Variants in CDKAL1 observed in about 807,000 individuals in gnomAD.
The protein encoded by CDKAL1 is threonylcarbamoyladenosine tRNA methylthiotransferase.
In CDKAL1, 32 loss-of-function variants were observed where a neutral mutation model predicts 68.2. The ratio of observed to expected loss-of-function variants is 0.47; its 90% CI spans 0.35 to 0.63. The LOEUF is 0.63. Ranked by LOEUF, CDKAL1 falls within the 30% of genes least tolerant of loss-of-function variation. CDKAL1 has a pLI of 0.00. For synonymous variants in CDKAL1, 234 were observed against 244.3 expected (o/e 0.96, Z 0.39); for missense variants, 606 against 696.7 (o/e 0.87, Z 1.47).
At chr6:21,162,820 CAGG>C (rs1193030604) in intron 13 of CDKAL1, among the ~76,000 whole-genome samples, 3 of 152,136 alleles carry the variant, frequency 2.0e-5, no homozygotes, top group African/African-American at 4.8e-5. Flanking sequence ...CCCAGCTGCT[CAGG>C]AGGCTGAGGT....
chr6:20,635,112 A>G (rs1767846203), intron 4 of CDKAL1, among the ~76,000 whole-genome samples: 1 of 152,088 alleles, frequency 6.6e-6, no homozygotes, highest in Non-Finnish European at 1.5e-5. Context: ...TTTGCTTATT[A>G]GGTCTCAAAT....
chr6:20,640,747 C>G (rs952033987), intron 4 of CDKAL1, among the ~76,000 whole-genome samples: 2 of 152,302 alleles, frequency 1.3e-5, no homozygotes, highest in African/African-American at 4.8e-5. Flanking sequence ...CTTAAATTCA[C>G]AGTCTCTGGA....
intron 5 of CDKAL1, among the ~76,000 whole-genome samples, chr6:20,663,096 G>T (rs1368983089): frequency 6.6e-6 from 1 of 152,078 alleles, no homozygotes; most frequent in Non-Finnish European, 1.5e-5. Flanking sequence ...TACCAAACTG[G>T]ATGTGCCGGC....
chr6:20,701,666 C>T (rs1442053325), intron 5 of CDKAL1, among the ~76,000 whole-genome samples: 2 of 152,048 alleles, frequency 1.3e-5, no homozygotes, highest in African/African-American at 4.8e-5. Context: ...TACGTAATAC[C>T]TCAATTTTCC....
chr6:21,145,550 C>A (rs908966638), intron 13 of CDKAL1, among the ~76,000 whole-genome samples: 1 of 152,044 alleles, frequency 6.6e-6, no homozygotes, highest in Non-Finnish European at 1.5e-5. Context: ...TTTAGGGGAC[C>A]AAGTTAATGT....
chr6:21,029,510 A>G (rs184045002), intron 11 of CDKAL1, among the ~76,000 whole-genome samples: 6 of 152,346 alleles, frequency 3.9e-5, no homozygotes, highest in African/African-American at 1.4e-4. Context: ...GAACTTCTGC[A>G]CAGCAAAAGA....
At chr6:20,783,468 T>C (rs1165215222) in intron 8 of CDKAL1, among the ~76,000 whole-genome samples, 1 of 152,202 alleles carries the variant, frequency 6.6e-6, no homozygotes, top group East Asian at 1.9e-4. Context: ...CAGTATTCAG[T>C]CTTCCTGAAC....
At chr6:21,169,036 G>A (rs1257480423) in intron 13 of CDKAL1, among the ~76,000 whole-genome samples, 3 of 152,118 alleles carry the variant, frequency 2.0e-5, no homozygotes, top group Admixed American at 6.6e-5. Flanking sequence ...CATGTGAGGG[G>A]CAAAGAAGAG....
chr6:20,716,943 TGGAGGAAGTC>T (rs1336624173), intron 5 of CDKAL1, among the ~76,000 whole-genome samples: 1 of 151,784 alleles, frequency 6.6e-6, no homozygotes, highest in Non-Finnish European at 1.5e-5. Context: ...TCAGTAGAGG[TGGAGGAAGTC>T]GGGGGAAGTG....
At chr6:20,767,173 T>G (rs1774739001) in intron 7 of CDKAL1, among the ~76,000 whole-genome samples, 1 of 152,140 alleles carries the variant, frequency 6.6e-6, no homozygotes, top group South Asian at 2.1e-4. Context: ...TATTTTTGGT[T>G]AGTAAAATAT....
chr6:20,920,980 A>G (rs1762928562), intron 9 of CDKAL1, among the ~76,000 whole-genome samples: 1 of 12,346 alleles, frequency 8.1e-5, no homozygotes, highest in Admixed American at 7.9e-4. Context: ...CTAGATATGT[A>G]ACTGAAAGTT....
At chr6:20,828,428 C>T (rs899790446) in intron 8 of CDKAL1, among the ~76,000 whole-genome samples, 2 of 151,928 alleles carry the variant, frequency 1.3e-5, no homozygotes, top group Non-Finnish European at 2.9e-5. Context: ...AGGGTTTTGC[C>T]ATGTTGGCCA....
At chr6:20,908,940 G>A (rs2150617629) in intron 9 of CDKAL1, among the ~76,000 whole-genome samples, 1 of 152,218 alleles carries the variant, frequency 6.6e-6, no homozygotes, top group African/African-American at 2.4e-5. Context: ...GCATCCTTGG[G>A]TGTCATGCTA....
chr6:21,117,492 A>T (rs1774476907), intron 13 of CDKAL1, among the ~76,000 whole-genome samples: 1 of 151,784 alleles, frequency 6.6e-6, no homozygotes. Flanking sequence ...AAACTACAAA[A>T]ATCAGCTGGG....
intron 10 of CDKAL1, among the ~76,000 whole-genome samples, chr6:20,984,816 G>A (rs368271295): frequency 2.1e-5 from 3 of 145,524 alleles, no homozygotes; most frequent in Admixed American, 1.4e-4. Flanking sequence ...AGTAACGGGG[G>A]GGGGTGGGGA....
At chr6:20,584,408 T>C (rs1282358997) in intron 4 of CDKAL1, among the ~76,000 whole-genome samples, 2 of 152,116 alleles carry the variant, frequency 1.3e-5, no homozygotes, top group Admixed American at 1.3e-4. Flanking sequence ...GAGTGAGTAG[T>C]CACCATTTTG....
At chr6:21,122,012 T>G (rs1774746544) in intron 13 of CDKAL1, among the ~76,000 whole-genome samples, 1 of 152,184 alleles carries the variant, frequency 6.6e-6, no homozygotes. Flanking sequence ...ACCACCTGAT[T>G]TCATTTTAAA....
intron 11 of CDKAL1, among the ~76,000 whole-genome samples, chr6:21,043,902 CCA>C (rs1018682748): frequency 4.6e-5 from 7 of 152,062 alleles, no homozygotes; most frequent in African/African-American, 1.4e-4. Flanking sequence ...TTTTGCCACC[CCA>C]GTTTTCTTCA....
chr6:20,787,326 T>G (rs1775717291), intron 8 of CDKAL1, among the ~76,000 whole-genome samples: 1 of 152,220 alleles, frequency 6.6e-6, no homozygotes, highest in East Asian at 1.9e-4. Context: ...TTTTTACACT[T>G]TATGTCTGTA....
Sources: allele counts gnomAD v4.1 joint callset (sites outside exome capture counted in the v4.1 genomes callset), GRCh38; gene constraint gnomAD v4.1.1; transcripts MANE v1.5; gene names NCBI Gene and HGNC (gene_info 2026-07-23, HGNC 2026-07-21).